The following COL12A1 variants were observed in gnomAD, a reference collection of about 807,000 sequenced individuals.
The protein encoded by COL12A1 is collagen type XII alpha 1 chain.
A neutral mutation model predicts 349.7 loss-of-function variants in COL12A1; 114 were observed. The ratio of observed to expected loss-of-function variants is 0.33; its 90% CI spans 0.28 to 0.38. COL12A1 has a LOEUF of 0.38. COL12A1 is among the 10% of genes least tolerant of loss of function. The probability of loss-of-function intolerance (pLI) is 1.00; values close to 1 mark genes in which losing one functional copy is unlikely to be tolerated. For missense variants in COL12A1, 3,284 were observed against 3,756.9 expected (o/e 0.87, Z 3.29); for synonymous variants, 1,369 against 1,329.0 (o/e 1.03, Z -0.66).
In COL12A1 at chr6:75,123,421, A is replaced by G. The variant is rs754490841; in HGVS notation, c.6872-17T>C. The G allele has an allele frequency of 4.6e-6, 7 of 1,535,162 alleles. No homozygotes were observed. The highest frequency in any genetic ancestry group is 6.2e-6 in the Non-Finnish European group (7 of 1,137,342). On this transcript the variant is annotated splice_polypyrimidine_tract_variant and intron_variant, in intron 42 of 65. Transcript: ENST00000322507. The stretch of plus-strand genomic sequence containing the variant: ...GTTTCACAGCTAAAATTTAAAAATA[A>G]TAATTATAAAAACACACCATGTGCA...
rs1311144806 is a variant in COL12A1 at position 75,128,368 on chromosome 6, G to A, written c.6268C>T (p.Pro2090Ser). 2 of 1,610,492 alleles carry A rather than the reference G, an allele frequency of 1.2e-6. No individual in the cohort carries two copies. Among genetic ancestry groups the A allele is most frequent in the East Asian group, 2.2e-5 (1 of 44,702 alleles). Residue 2090 changes from proline (P) to serine (S), a missense_variant, in exon 38 of 66, where the codon CCA (proline) becomes TCA (serine). Coordinates refer to ENST00000322507, the MANE Select transcript of COL12A1 (RefSeq NM_004370.6). ...ACAGCAATAACAGTAATTTTATATG[G>A]AGTGTCAGGTTGCAGGGGCTGCAGT... Reference protein sequence around the residue: ...VILQPLQPDTPYKITVIAVYE... With the variant: ...VILQPLQPDTSYKITVIAVYE...
In COL12A1 at chr6:75,143,300, C is replaced by T. The variant is rs1474492832; in HGVS notation, c.4779G>A (p.Val1593=). 2 of 1,613,836 alleles carry T rather than the reference C, an allele frequency of 1.2e-6. No homozygotes were observed. Among genetic ancestry groups the T allele is most frequent in the African/African-American group, 2.7e-5 (2 of 74,912 alleles). The change falls in exon 26 of 66, where the codon GTG becomes GTA. Residue 1593 remains valine, a synonymous_variant. Coordinates refer to ENST00000322507, the MANE Select transcript of COL12A1 (RefSeq NM_004370.6). ...NVFWEPVPGK[V]RKYIVRYKTP... is the part of the protein sequence containing the mutation. ...TTTTGTATCGAACAATATATTTACGCACTTTTCCAGGCACAGGTTCCCAAA... is the reference window on the plus strand; with the variant it reads ...TTTTGTATCGAACAATATATTTACGTACTTTTCCAGGCACAGGTTCCCAAA...
chr6:75,192,010 C>G (rs1011253290), intron 4 of COL12A1, among the ~76,000 whole-genome samples: 2 of 151,874 alleles, frequency 1.3e-5, no homozygotes, highest in South Asian at 4.1e-4. Flanking sequence ...GGTCTTCATT[C>G]ATAACATTCC....
chr6:75,154,513 A>G lies in COL12A1; in HGVS notation c.3468T>C (p.Asn1156=), dbSNP rs774082346. 3.7e-6 allele frequency: 6 copies of G among 1,609,906 alleles called. No individual in the cohort carries two copies. In the African/African-American group the frequency reaches 8.0e-5, roughly 22 times the overall value. The change falls in exon 17 of 66, where the codon AAT becomes AAC. Residue 1156 remains asparagine, a synonymous_variant. Coordinates refer to ENST00000322507, the MANE Select transcript of COL12A1 (RefSeq NM_004370.6). The part of the protein sequence containing the change: ...ELRAGTTYKV[N]VFGMFDGGES... Reference sequence around the variant, plus strand: ...CTCCTCCATCAAACATTCCAAAAACATTTACTTTATAGGTGGTACCAGCCC... The same window carrying G: ...CTCCTCCATCAAACATTCCAAAAACGTTTACTTTATAGGTGGTACCAGCCC...
intron 58 of COL12A1, among the ~76,000 whole-genome samples, chr6:75,099,639 AT>A (rs957287770): frequency 2.2e-4 from 33 of 152,110 alleles, no homozygotes; most frequent in African/African-American, 7.7e-4. Context: ...TTTATTCTTC[AT>A]TTTTTGCTGC....
intron 2 of COL12A1, among the ~76,000 whole-genome samples, chr6:75,202,312 G>A (rs1582232641): frequency 1.3e-5 from 2 of 152,220 alleles, no homozygotes; most frequent in Admixed American, 1.3e-4. Flanking sequence ...CAGGTGGTTG[G>A]TTACCAGCCA....
rs142417141 is a variant in COL12A1, at chr6:75,159,865, T to C, written c.2984-3342A>G. 2.6e-3 allele frequency among the ~76,000 whole-genome samples: 394 copies of C among 152,134 alleles called. 3 individuals are homozygous for C. The highest frequency in any genetic ancestry group is 9.1e-3 in the African/African-American group (379 of 41,522). On this transcript the variant is annotated intron_variant, in intron 14 of 65. Transcript: ENST00000322507. The stretch of plus-strand genomic sequence containing the variant: ...ACTTAAGTTTCAAAAAAAAATGGGA[T>C]GCCAAGCTTTAAAATGTTTCAAAAT...
In COL12A1 at chr6:75,128,386, G is replaced by A; in HGVS notation, c.6250C>T (p.Pro2084Ser). ...TTATATGGAGTGTCAGGTTGCAGGG[G>A]CTGCAGTATTACATTGTTTCTTCTG... ...PGRRNNVILQ[P>S]LQPDTPYKIT... Residue 2084 changes from proline (P) to serine (S), a missense_variant, in exon 38 of 66, where the codon CCC becomes TCC. Coordinates refer to ENST00000322507, the MANE Select transcript of COL12A1 (RefSeq NM_004370.6). The A allele has an allele frequency of 1.2e-6, 2 of 1,608,290 alleles. No homozygotes were observed. The highest frequency in any genetic ancestry group is 1.1e-5 in the South Asian group (1 of 89,902).
At chr6:75,202,469 G>A (rs1205658476) in intron 2 of COL12A1, among the ~76,000 whole-genome samples, 1 of 152,210 alleles carries the variant, frequency 6.6e-6, no homozygotes, top group Non-Finnish European at 1.5e-5. Context: ...ACAGCACACC[G>A]CAGAGACAAG....
chr6:75,166,602 C>T (rs972090765), intron 13 of COL12A1, among the ~76,000 whole-genome samples: 3 of 152,094 alleles, frequency 2.0e-5, no homozygotes, highest in Non-Finnish European at 4.4e-5. Context: ...GATAAATATA[C>T]AGGTCACTTT....
Position 75,154,547 on chromosome 6 carries a change from T to A in COL12A1, c.3444-10A>T, listed in dbSNP as rs750600880. The A allele has an allele frequency of 6.2e-7, 1 of 1,606,874 alleles. No homozygotes were observed. The highest frequency in any genetic ancestry group is 8.5e-7 in the Non-Finnish European group (1 of 1,175,802). On this transcript the variant is annotated splice_polypyrimidine_tract_variant and intron_variant, in intron 16 of 65. Coordinates refer to ENST00000322507, the MANE Select transcript of COL12A1 (RefSeq NM_004370.6). ...ATAGGTGGTACCAGCCCTAAAATGT[T>A]AAAGTATATATATAGCCTGTGAGAA...
At chr6:75,187,803 C>T (rs1160490718) in intron 8 of COL12A1, among the ~76,000 whole-genome samples, 1 of 151,986 alleles carries the variant, frequency 6.6e-6, no homozygotes, top group African/African-American at 2.4e-5. Flanking sequence ...TTTGAAATGT[C>T]TTTTCTTTCT....
intron 60 of COL12A1, among the ~76,000 whole-genome samples, chr6:75,092,844 A>G (rs1004388549): frequency 6.6e-6 from 1 of 152,192 alleles, no homozygotes; most frequent in African/African-American, 2.4e-5. Context: ...GGTCCATATG[A>G]TCATCTATGC....
intron 12 of COL12A1, 48 bp downstream of exon 12, chr6:75,177,615 T>C: frequency 6.2e-7 from 1 of 1,610,554 alleles, no homozygotes; most frequent in Non-Finnish European, 8.5e-7. Context: ...TTTTCCCCTC[T>C]AGTCTAAGAG....
rs1262898971 is a variant in COL12A1, at chr6:75,142,084, A to T, written c.4905T>A (p.Ser1635=). Residue 1635 remains serine (S), a synonymous_variant, in exon 27 of 66, where the codon TCT becomes TCA. Transcript: ENST00000322507. ...FSQTLYTVSV[S]AVHDEGESPP... ...GAGACTCCCCCTCGTCATGTACTGC[A>T]GAAACGCTGACTGTGTACAAGGTCT... 6 of 1,614,166 alleles carry T rather than the reference A, an allele frequency of 3.7e-6. No homozygotes were observed. In the Admixed American group the frequency reaches 5.0e-5, roughly 13 times the overall value.
rs1769144838 is a variant in COL12A1, at chr6:75,117,528, A to G, written c.7373T>C (p.Val2458Ala). ...ATTGTAGTCGACATCAGCCACACCA[A>G]CTACAAAGACACTGAACCCTGCAAA... ...IQQSGFSVFV[V>A]GVADVDYNEL... is the part of the protein sequence containing the mutation. Residue 2458 changes from valine (V) to alanine (A), a missense_variant, in exon 47 of 66, where the codon GTT (valine) becomes GCT (alanine). By Grantham distance (64) the Val-to-Ala change is moderately conservative. Around this residue, in one of 2 missense-constraint regions of COL12A1, gnomAD observed 683 missense variants for 932.1 expected, o/e 0.73. Transcript: ENST00000322507. 15 of 1,613,536 alleles carry G rather than the reference A, an allele frequency of 9.3e-6. No homozygotes were observed. The highest frequency in any genetic ancestry group is 1.2e-5 in the Non-Finnish European group (14 of 1,179,554).
chr6:75,125,186 T>C lies in COL12A1; in HGVS notation c.6548A>G (p.Asn2183Ser). The C allele has an allele frequency of 6.2e-7, 1 of 1,612,478 alleles. No individual in the cohort carries two copies. The highest frequency in any genetic ancestry group is 1.1e-5 in the South Asian group (1 of 90,834). ...NLNPSTTYDVNVYAQYDSGLS... is the reference protein window; with the variant it reads ...NLNPSTTYDVSVYAQYDSGLS... ...TCCAGAATCATATTGAGCATAAACA[T>C]TCACATCGTAGGTGGTGCTGGGATT... Residue 2183 changes from asparagine (N) to serine (S), a missense_variant, in exon 40 of 66, where the codon AAT becomes AGT. Around this residue, in one of 2 missense-constraint regions of COL12A1, gnomAD observed 2,601 missense variants for 2,824.8 expected, o/e 0.92. Coordinates refer to ENST00000322507, the MANE Select transcript of COL12A1 (RefSeq NM_004370.6).
intron 49 of COL12A1, among the ~76,000 whole-genome samples, chr6:75,114,323 TC>T (rs1768974782): frequency 1.3e-5 from 2 of 151,670 alleles, no homozygotes. Context: ...AAAAACAAAA[TC>T]CATTTTAAAT....
chr6:75,158,786 AT>A (rs1240147499), intron 14 of COL12A1, among the ~76,000 whole-genome samples: 2 of 152,088 alleles, frequency 1.3e-5, no homozygotes, highest in African/African-American at 4.8e-5. Flanking sequence ...ATATAAAAAA[AT>A]GATTAGTGAA....
Sources: allele counts gnomAD v4.1 joint callset (sites outside exome capture counted in the v4.1 genomes callset), GRCh38; gene constraint gnomAD v4.1.1; regional missense constraint gnomAD v4.1.1; transcripts MANE v1.5; gene names NCBI Gene and HGNC (gene_info 2026-07-23, HGNC 2026-07-21).